Variants in MYH9 observed in about 807,000 individuals in gnomAD.
MYH9 encodes the protein myosin heavy chain 9, also known as myosin-9.
A neutral mutation model predicts 241.9 loss-of-function variants in MYH9; 29 were observed. The ratio of observed to expected loss-of-function variants is 0.12; its 90% CI spans 0.09 to 0.16. The LOEUF is 0.16. Among genes scored for constraint, MYH9 ranks in the 10% least tolerant of loss-of-function variants. The pLI is 1.00. For synonymous variants in MYH9, 1,047 were observed against 1,062.6 expected (o/e 0.99, Z 0.29); for missense variants, 1,803 against 2,595.5 (o/e 0.69, Z 6.63).
chr22:36,379,734 G>A (rs2018226354), intron 1 of MYH9, among the ~76,000 whole-genome samples: 1 of 152,134 alleles, frequency 6.6e-6, no homozygotes, highest in Admixed American at 6.5e-5. Flanking sequence ...CTTCCGGAAG[G>A]CCCTGCAAAG....
chr22:36,320,113 G>T lies in MYH9; in HGVS notation c.1012+107C>A. ...ACACTGAAGGCCTTCCCCTTCCCCT[G>T]GCCTCTAGCAGGCTCCCCAGGCCCA... is the stretch of plus-strand genomic sequence containing the variant. On this transcript the variant is annotated intron_variant, in intron 9 of 40. Transcript: ENST00000216181. The surrounding 1 kb of genome is among the most constrained non-coding windows in gnomAD (Gnocchi z 4.8). 1 of 1,505,046 alleles carries T rather than the reference G, an allele frequency of 6.6e-7. No individual in the cohort carries two copies. The highest frequency in any genetic ancestry group is 1.1e-5 in the South Asian group (1 of 88,180). The allele number at this position is 1,505,046 out of a possible 1,614,324, so 93.2% of individuals were successfully genotyped here. A position where few individuals can be genotyped will look rare whatever the true frequency, so the allele number is the denominator to read the frequency against.
intron 1 of MYH9, among the ~76,000 whole-genome samples, chr22:36,384,826 G>C (rs1188524601): frequency 6.6e-6 from 1 of 151,252 alleles, no homozygotes; most frequent in Admixed American, 6.6e-5. Flanking sequence ...ATTTGAACTC[G>C]GCCTGTTTCC....
chr22:36,335,426 C>T (rs1270158857), intron 3 of MYH9, among the ~76,000 whole-genome samples: 1 of 152,240 alleles, frequency 6.6e-6, no homozygotes, highest in Non-Finnish European at 1.5e-5. Context: ...CTGGCGGCCT[C>T]CCGGCTGGGT....
Position 36,296,992 on chromosome 22 carries a change from C to T in MYH9, c.3123G>A (p.Lys1041=), listed in dbSNP as rs567967107. The T allele has an allele frequency of 1.2e-6, 2 of 1,614,118 alleles. No homozygotes were observed. The highest frequency in any genetic ancestry group is 2.2e-5 in the South Asian group (2 of 91,088). The change falls in exon 25 of 41, where the codon AAG becomes AAA. Residue 1041 remains lysine, a synonymous_variant. Coordinates refer to ENST00000216181, the MANE Select transcript of MYH9 (RefSeq NM_002473.6). Reference sequence around the variant, plus strand: ...GGGTCTTCTCCAGCTCCTGTCGCTGCTTCTCCTCCCTGCGGAGGCGCTCTG... The same window carrying T: ...GGGTCTTCTCCAGCTCCTGTCGCTGTTTCTCCTCCCTGCGGAGGCGCTCTG... ...DLEERLRREE[K]QRQELEKTRR...
At chr22:36,335,875 G>A (rs1359231227) in intron 3 of MYH9, among the ~76,000 whole-genome samples, 1 of 152,206 alleles carries the variant, frequency 6.6e-6, no homozygotes, top group African/African-American at 2.4e-5. Flanking sequence ...GCCTCTTTAC[G>A]TATGAATTCG....
intron 1 of MYH9, among the ~76,000 whole-genome samples, chr22:36,385,392 C>T (rs1410916179): frequency 6.6e-6 from 1 of 152,166 alleles, no homozygotes; most frequent in Admixed American, 6.5e-5. Context: ...CCCTACCAGG[C>T]TACACAACAA....
In MYH9 at chr22:36,296,896, C is replaced by T. The variant is rs1303305614; in HGVS notation, c.3219G>A (p.Glu1073=). The part of the protein sequence containing the change: ...QIAELQAQIA[E]LKMQLAKKEE... ...CTTTCTTGGCCAGCTGCATCTTGAG[C>T]TCCGCGATCTGGGCCTGGAGCTCGG... Residue 1073 remains glutamate, a synonymous_variant, in exon 25 of 41, where the codon GAG becomes GAA. Transcript: ENST00000216181. 6.2e-7 allele frequency: 1 copy of T among 1,613,696 alleles called. No individual in the cohort carries two copies. The highest frequency in any genetic ancestry group is 8.5e-7 in the Non-Finnish European group (1 of 1,179,810).
chr22:36,286,411 C>A (rs2016581819), intron 35 of MYH9, among the ~76,000 whole-genome samples: 1 of 152,176 alleles, frequency 6.6e-6, no homozygotes, highest in Non-Finnish European at 1.5e-5. Flanking sequence ...GTGCGACGGG[C>A]AGGGCGGCCG....
chr22:36,353,119 G>T (rs1556643341), intron 1 of MYH9, among the ~76,000 whole-genome samples: 7 of 102,240 alleles, frequency 6.8e-5, no homozygotes, highest in Non-Finnish European at 9.5e-5. Flanking sequence ...GTGTGTGTGT[G>T]TGTGTGTGTG....
rs1241371102 is a variant in MYH9, at chr22:36,306,675, G to A, written c.1844-68C>T. 1.4e-6 allele frequency: 2 copies of A among 1,469,300 alleles called. No homozygotes were observed. The highest frequency in any genetic ancestry group is 1.9e-6 in the Non-Finnish European group (2 of 1,070,764). 91.0% of individuals were successfully genotyped at this position (1,469,300 alleles called of 1,614,324 possible). On this transcript the variant is annotated intron_variant, in intron 15 of 40. Transcript: ENST00000216181. The surrounding 1 kb of genome is among the most constrained non-coding windows in gnomAD (Gnocchi z 4.1). ...AGCTGGGTGGTGGGGGAGCACGTAGGAGAGAGAGACAGGCACACGTCGGAC... is the reference window on the plus strand; with the variant it reads ...AGCTGGGTGGTGGGGGAGCACGTAGAAGAGAGAGACAGGCACACGTCGGAC...
intron 3 of MYH9, among the ~76,000 whole-genome samples, chr22:36,338,228 G>A (rs2017529184): frequency 6.6e-6 from 1 of 151,772 alleles, no homozygotes; most frequent in African/African-American, 2.4e-5. Flanking sequence ...TCAAACTCCT[G>A]ACCTCAGGTG....
chr22:36,295,406 G>T lies in MYH9; in HGVS notation c.3485+99C>A. 1.0e-6 allele frequency: 1 copy of T among 960,588 alleles called. No individual in the cohort carries two copies. The highest frequency in any genetic ancestry group is 1.6e-6 in the Non-Finnish European group (1 of 613,762). The allele number at this position is 960,588 out of a possible 1,614,324, so 59.5% of individuals were successfully genotyped here. ...CTGGTGCCTAAGAGGGCCACGGTGTGTGTGTGTGTGTGTGTGCAGAGGCCC... is the reference window on the plus strand; with the variant it reads ...CTGGTGCCTAAGAGGGCCACGGTGTTTGTGTGTGTGTGTGTGCAGAGGCCC... On this transcript the variant is annotated intron_variant, in intron 26 of 40. Coordinates refer to ENST00000216181, the MANE Select transcript of MYH9 (RefSeq NM_002473.6). The surrounding 1 kb of genome is among the most constrained non-coding windows in gnomAD (Gnocchi z 4.1).
intron 2 of MYH9, among the ~76,000 whole-genome samples, chr22:36,347,796 T>C (rs1603484009): frequency 1.0e-5 from 1 of 97,638 alleles, no homozygotes; most frequent in Admixed American, 1.2e-4. Context: ...AAAAAGACCC[T>C]GTCTCAAAAA....
chr22:36,299,698 G>C (rs372292011), intron 23 of MYH9, among the ~76,000 whole-genome samples: 1 of 152,164 alleles, frequency 6.6e-6, no homozygotes, highest in African/African-American at 2.4e-5. Context: ...TCTGCTCCCT[G>C]GGCAGACACC....
intron 2 of MYH9, among the ~76,000 whole-genome samples, chr22:36,344,980 G>A (rs900715377): frequency 2.6e-5 from 4 of 152,202 alleles, no homozygotes; most frequent in Non-Finnish European, 4.4e-5. Context: ...AGGCCCCCAG[G>A]CCTTGCCCCG....
rs528048224 is a variant in MYH9, at chr22:36,291,270, G to A, written c.4344+716C>T. Among the ~76,000 whole-genome samples the A allele has an allele frequency of 7.9e-5, 12 of 152,350 alleles. No homozygotes were observed. In the South Asian group the frequency reaches 1.9e-3, roughly 24 times the overall value. On this transcript the variant is annotated intron_variant, in intron 31 of 40. Coordinates refer to ENST00000216181, the MANE Select transcript of MYH9 (RefSeq NM_002473.6). Reference sequence around the variant, plus strand: ...AAGGTGGGGAAAAGATTGAGAAATCGGATGGTTGCCGTGTCTGTGTAGAAA... The same window carrying A: ...AAGGTGGGGAAAAGATTGAGAAATCAGATGGTTGCCGTGTCTGTGTAGAAA...
intron 3 of MYH9, among the ~76,000 whole-genome samples, chr22:36,331,172 T>G (rs1379029497): frequency 2.0e-5 from 3 of 152,066 alleles, no homozygotes; most frequent in Non-Finnish European, 2.9e-5. Flanking sequence ...ACGCAATGCC[T>G]GGCCCCTTGA....
chr22:36,320,946 C>T lies in MYH9; in HGVS notation c.770-50G>A, dbSNP rs377715338. The T allele has an allele frequency of 1.3e-6, 2 of 1,508,236 alleles. No individual in the cohort carries two copies. The highest frequency in any genetic ancestry group is 1.4e-5 in the African/African-American group (1 of 71,796). The allele number at this position is 1,508,236 out of a possible 1,614,324, so 93.4% of individuals were successfully genotyped here. On this transcript the variant is annotated intron_variant, in intron 7 of 40. Coordinates refer to ENST00000216181, the MANE Select transcript of MYH9 (RefSeq NM_002473.6). The surrounding 1 kb of genome is among the most constrained non-coding windows in gnomAD (Gnocchi z 4.8). The stretch of plus-strand genomic sequence containing the variant: ...CAAGCTGGGGAGAAGGCAAGCCCTC[C>T]ACTTTCCTCATTTTTTTTTTTTTGG...
intron 1 of MYH9, among the ~76,000 whole-genome samples, chr22:36,382,701 G>A (rs921139445): frequency 6.6e-6 from 1 of 151,450 alleles, no homozygotes; most frequent in African/African-American, 2.4e-5. Flanking sequence ...TACTCGGTAG[G>A]CTGAGGTAGG....
Sources: allele counts gnomAD v4.1 joint callset (sites outside exome capture counted in the v4.1 genomes callset), GRCh38; gene constraint gnomAD v4.1.1; non-coding constraint Gnocchi (gnomAD v3.1); transcripts MANE v1.5; gene names NCBI Gene and HGNC (gene_info 2026-07-23, HGNC 2026-07-21).